The following AUH variants were observed in gnomAD, a reference collection of about 807,000 sequenced individuals.
The protein encoded by AUH is AU RNA binding methylglutaconyl-CoA hydratase.
In AUH, 29 loss-of-function variants were observed where a neutral mutation model predicts 42.3. The ratio of observed to expected loss-of-function variants is 0.69; its 90% CI spans 0.51 to 0.93. The LOEUF (loss-of-function observed/expected upper bound fraction) is 0.93. Ranked by LOEUF, AUH falls within the 40% of genes least tolerant of loss-of-function variation. The pLI, the probability that AUH is intolerant of heterozygous loss-of-function variation, is 0.00. For missense variants in AUH, 452 were observed against 438.1 expected (o/e 1.03, Z -0.28); for synonymous variants, 174 against 166.4 (o/e 1.05, Z -0.35).
At chr9:91,250,683 G>A (rs1587693660) in intron 6 of AUH, among the ~76,000 whole-genome samples, 1 of 152,314 alleles carries the variant, frequency 6.6e-6, no homozygotes, top group East Asian at 1.9e-4. Flanking sequence ...TACTCATTAT[G>A]TTTTCTTCTC....
At chr9:91,254,714 G>A (rs1416786477) in intron 6 of AUH, among the ~76,000 whole-genome samples, 3 of 152,126 alleles carry the variant, frequency 2.0e-5, no homozygotes, top group Non-Finnish European at 2.9e-5. Context: ...GCAACCATTC[G>A]TATGACATCA....
intron 1 of AUH, among the ~76,000 whole-genome samples, chr9:91,361,119 A>G (rs1225917100): frequency 2.6e-5 from 4 of 152,252 alleles, no homozygotes; most frequent in African/African-American, 9.6e-5. Context: ...GAAGTGGAAC[A>G]GTCCCTCAAG....
chr9:91,238,448 G>A (rs947915179), intron 6 of AUH, among the ~76,000 whole-genome samples: 9 of 152,168 alleles, frequency 5.9e-5, no homozygotes, highest in Admixed American at 1.3e-4. Flanking sequence ...GCTGGGAAAT[G>A]TAGTTTCCTT....
At chr9:91,310,796 A>T (rs972579547) in intron 4 of AUH, among the ~76,000 whole-genome samples, 1 of 152,254 alleles carries the variant, frequency 6.6e-6, no homozygotes, top group Non-Finnish European at 1.5e-5. Flanking sequence ...AAAACATTAA[A>T]GAACACTCAT....
intron 6 of AUH, among the ~76,000 whole-genome samples, chr9:91,230,229 C>T (rs1827786383): frequency 6.6e-6 from 1 of 152,108 alleles, no homozygotes. Flanking sequence ...CACATAGTCC[C>T]ATATTTCTTG....
intron 4 of AUH, among the ~76,000 whole-genome samples, chr9:91,311,779 A>G (rs1828717828): frequency 6.6e-6 from 1 of 152,212 alleles, no homozygotes. Flanking sequence ...GGTGCACACC[A>G]GGAAGCCCTA....
intron 3 of AUH, among the ~76,000 whole-genome samples, chr9:91,337,090 G>A (rs190433666): frequency 2.6e-5 from 4 of 152,052 alleles, no homozygotes; most frequent in South Asian, 2.1e-4. Context: ...CAATACTATC[G>A]CACATCCTCT....
intron 6 of AUH, among the ~76,000 whole-genome samples, chr9:91,286,750 A>G (rs1826442603): frequency 1.3e-5 from 2 of 151,512 alleles, no homozygotes; most frequent in Non-Finnish European, 1.5e-5. Context: ...CTATCTATCT[A>G]CCTATCTACC....
intron 6 of AUH, among the ~76,000 whole-genome samples, chr9:91,285,453 G>C (rs898136038): frequency 2.3e-4 from 34 of 151,056 alleles, no homozygotes; most frequent in African/African-American, 6.6e-4. Context: ...AGAACTTAAA[G>C]TATTAAAAAA....
chr9:91,214,140 T>C lies in AUH; in HGVS notation c.*208A>G. The C allele has an allele frequency of 1.8e-6, 1 of 550,258 alleles. No homozygotes were observed. 34.1% of individuals were successfully genotyped at this position (550,258 alleles called of 1,614,324 possible). On this transcript the variant is annotated 3_prime_UTR_variant, in exon 10 of 10. Transcript: ENST00000375731. ...GATTCTGTTTCTGACTATACACTAC[T>C]AGCTTTATAAATCTGAATGAATATG...
At chr9:91,259,245 T>C (rs73497157) in intron 6 of AUH, among the ~76,000 whole-genome samples, 3,041 of 152,274 alleles carry the variant, frequency 0.02, 101 homozygotes, top group African/African-American at 0.069. Flanking sequence ...GTTTTGGTAA[T>C]TGTGTCTTGC....
intron 9 of AUH, among the ~76,000 whole-genome samples, chr9:91,214,908 C>A (rs1407139756): frequency 6.6e-6 from 1 of 152,116 alleles, no homozygotes; most frequent in African/African-American, 2.4e-5. Context: ...CTGAAGAATA[C>A]CTTGAATAAT....
chr9:91,265,275 G>A (rs1469707938), intron 6 of AUH, among the ~76,000 whole-genome samples: 1 of 138,576 alleles, frequency 7.2e-6, no homozygotes, highest in Non-Finnish European at 1.5e-5. Flanking sequence ...ATTTGCTCTT[G>A]CATTTTTTTT....
chr9:91,242,420 T>C (rs1173802357), intron 6 of AUH, among the ~76,000 whole-genome samples: 1 of 152,132 alleles, frequency 6.6e-6, no homozygotes, highest in Middle Eastern at 3.2e-3. Context: ...TTCAAAATCA[T>C]CCCTCATTCT....
At chr9:91,246,422 C>T (rs1828797859) in intron 6 of AUH, among the ~76,000 whole-genome samples, 1 of 152,146 alleles carries the variant, frequency 6.6e-6, no homozygotes. Flanking sequence ...CTAAAGACAC[C>T]GTCTTTTATT....
intron 6 of AUH, among the ~76,000 whole-genome samples, chr9:91,282,166 GCCT>G (rs1406325214): frequency 5.7e-4 from 86 of 152,146 alleles, no homozygotes; most frequent in Non-Finnish European, 9.7e-4. Flanking sequence ...CCCATCTAAG[GCCT>G]CTTTACTAGT....
At position 91,220,894 on chromosome 9, in the gene AUH, C is replaced by CCACTG. The variant is rs747402902; in HGVS notation, c.749_753dup (p.Gly252GlnfsTer4). On this transcript the variant is annotated frameshift_variant, in exon 7 of 10. Coordinates refer to ENST00000375731, the MANE Select transcript of AUH (RefSeq NM_001698.3). LOFTEE classifies it high-confidence loss of function. Reference sequence around the variant, plus strand: ...TGTTCCAGAACGTGGCTGATTAAGCCCACTGCTTTGGCTTCTTTGCCATCG... The same window carrying CCACTG: ...TGTTCCAGAACGTGGCTGATTAAGCCCACTGCACTGCTTTGGCTTCTTTGCCATCG... The CCACTG allele has an allele frequency of 6.2e-7, 1 of 1,614,244 alleles. No homozygotes were observed. The highest frequency in any genetic ancestry group is 1.1e-5 in the South Asian group (1 of 91,084).
At chr9:91,224,317 A>G (rs1329193197) in intron 6 of AUH, among the ~76,000 whole-genome samples, 4 of 152,100 alleles carry the variant, frequency 2.6e-5, no homozygotes, top group African/African-American at 4.8e-5. Flanking sequence ...GAGTTGTTTC[A>G]TTTGTTGAGT....
chr9:91,293,467 A>C (rs1394597379), intron 6 of AUH, among the ~76,000 whole-genome samples: 1 of 152,236 alleles, frequency 6.6e-6, no homozygotes, highest in Non-Finnish European at 1.5e-5. Context: ...GTGGTCCGTA[A>C]AGAAGATCAA....
Sources: allele counts gnomAD v4.1 joint callset (sites outside exome capture counted in the v4.1 genomes callset), GRCh38; gene constraint gnomAD v4.1.1; transcripts MANE v1.5; gene names NCBI Gene and HGNC (gene_info 2026-07-23, HGNC 2026-07-21).